GRM5: variants seen among roughly 807,000 people sequenced by gnomAD.
GRM5 encodes metabotropic glutamate receptor 5.
In GRM5, 19 loss-of-function variants were observed where a neutral mutation model predicts 83.1. The observed-to-expected ratio is 0.23, with a 90% CI of 0.16 to 0.34. GRM5 has a LOEUF of 0.34. GRM5 is among the 10% of genes least tolerant of loss of function. GRM5 has a pLI of 1.00. For missense variants in GRM5, 1,160 were observed against 1,588.3 expected (o/e 0.73, Z 4.58); for synonymous variants, 675 against 633.6 (o/e 1.07, Z -0.98).
At chr11:88,915,030 A>C (rs1945565651) in intron 2 of GRM5, among the ~76,000 whole-genome samples, 1 of 152,208 alleles carries the variant, frequency 6.6e-6, no homozygotes, top group African/African-American at 2.4e-5. Context: ...TTTTGTTAGT[A>C]ACTTTTACAA....
intron 1 of GRM5, among the ~76,000 whole-genome samples, chr11:89,057,346 T>TACAC (rs1941900078): frequency 7.7e-6 from 1 of 130,414 alleles, no homozygotes; most frequent in South Asian, 2.6e-4. Flanking sequence ...TTGTCATTAC[T>TACAC]ATCTCAATCA....
chr11:88,955,748 A>G (rs557083514), intron 2 of GRM5, among the ~76,000 whole-genome samples: 1 of 152,252 alleles, frequency 6.6e-6, no homozygotes, highest in African/African-American at 2.4e-5. Context: ...AACATTTTTC[A>G]GCATCTAGAT....
At chr11:89,031,577 T>C (rs189493014) in intron 2 of GRM5, among the ~76,000 whole-genome samples, 156 of 152,026 alleles carry the variant, frequency 1.0e-3, no homozygotes, top group African/African-American at 3.6e-3. Flanking sequence ...CTCCTTACAA[T>C]GCTCAGTAAA....
At chr11:89,004,206 G>T (rs1297489206) in intron 2 of GRM5, among the ~76,000 whole-genome samples, 1 of 152,246 alleles carries the variant, frequency 6.6e-6, no homozygotes, top group East Asian at 1.9e-4. Flanking sequence ...AAATGCAAGA[G>T]GCTGGACCAA....
chr11:88,733,699 G>A (rs1941853320), intron 3 of GRM5, among the ~76,000 whole-genome samples: 1 of 152,018 alleles, frequency 6.6e-6, no homozygotes, highest in African/African-American at 2.4e-5. Context: ...TTGACCCACA[G>A]GTCTAGACAT....
At chr11:88,590,004 A>G (rs1937611148) in intron 7 of GRM5, among the ~76,000 whole-genome samples, 1 of 152,164 alleles carries the variant, frequency 6.6e-6, no homozygotes, top group South Asian at 2.1e-4. Flanking sequence ...TATAGACTGG[A>G]GAACATGATG....
intron 5 of GRM5, among the ~76,000 whole-genome samples, chr11:88,602,891 T>C (rs1938038542): frequency 6.6e-6 from 1 of 152,212 alleles, no homozygotes; most frequent in Admixed American, 6.5e-5. Context: ...AGTTATAATT[T>C]TTTTTGTAAA....
At chr11:88,850,622 A>G (rs1019363996) in intron 2 of GRM5, among the ~76,000 whole-genome samples, 26 of 149,302 alleles carry the variant, frequency 1.7e-4, no homozygotes, top group African/African-American at 6.3e-4. Context: ...AATATTTTAT[A>G]AAGTATTATA....
chr11:88,974,276 T>G (rs1185193177), intron 2 of GRM5, among the ~76,000 whole-genome samples: 3 of 152,048 alleles, frequency 2.0e-5, no homozygotes, highest in African/African-American at 7.2e-5. Flanking sequence ...AGGTGGGCAT[T>G]TGCCTTCCCA....
intron 3 of GRM5, among the ~76,000 whole-genome samples, chr11:88,694,150 T>C (rs1940849141): frequency 6.6e-6 from 1 of 152,182 alleles, no homozygotes; most frequent in African/African-American, 2.4e-5. Flanking sequence ...TAATTGAGCA[T>C]GGGGATATGC....
At chr11:88,532,294 T>C (rs1320652224) in intron 8 of GRM5, among the ~76,000 whole-genome samples, 1 of 152,128 alleles carries the variant, frequency 6.6e-6, no homozygotes, top group African/African-American at 2.4e-5. Flanking sequence ...CAATTACTTT[T>C]TATTATTTAG....
chr11:89,064,878 CTCTCTCTCTCTGTG>C (rs1433460046), intron 1 of GRM5, among the ~76,000 whole-genome samples: 11 of 56,398 alleles, frequency 2.0e-4, no homozygotes, highest in Non-Finnish European at 1.9e-4. Context: ...CTCTCTCTCT[CTCTCTCTCTCTGTG>C]TGTGTGTGTG....
chr11:88,923,313 T>C (rs925038400), intron 2 of GRM5, among the ~76,000 whole-genome samples: 1 of 152,064 alleles, frequency 6.6e-6, no homozygotes, highest in Non-Finnish European at 1.5e-5. Flanking sequence ...TGTTCATCAG[T>C]AGATGAATGG....
At chr11:88,819,793 G>T (rs1283783323) in intron 3 of GRM5, among the ~76,000 whole-genome samples, 6 of 152,072 alleles carry the variant, frequency 3.9e-5, no homozygotes, top group Non-Finnish European at 5.9e-5. Context: ...GCAGTCCAAG[G>T]TTCAAGGACC....
intron 3 of GRM5, among the ~76,000 whole-genome samples, chr11:88,845,423 C>CTTTTTTTT (rs71046265): frequency 0.026 from 2,389 of 92,150 alleles, 488 homozygotes; most frequent in African/African-American, 0.04. Context: ...ATAAACATAA[C>CTTTTTTTT]TTTTTTTTTT....
At chr11:88,884,297 C>G (rs920058155) in intron 2 of GRM5, among the ~76,000 whole-genome samples, 1 of 152,114 alleles carries the variant, frequency 6.6e-6, no homozygotes, top group South Asian at 2.1e-4. Context: ...AATGACTGTT[C>G]TATTGGATTT....
At chr11:88,843,787 C>G (rs542072831) in intron 3 of GRM5, among the ~76,000 whole-genome samples, 1 of 152,292 alleles carries the variant, frequency 6.6e-6, no homozygotes, top group South Asian at 2.1e-4. Flanking sequence ...AGCCTTATTG[C>G]TGATGTGGAG....
intron 7 of GRM5, among the ~76,000 whole-genome samples, chr11:88,585,485 T>A (rs1031835058): frequency 6.6e-6 from 1 of 152,202 alleles, no homozygotes; most frequent in African/African-American, 2.4e-5. Flanking sequence ...TTACCATAGT[T>A]TACCAGGCTC....
chr11:88,987,178 G>A (rs1207068123), intron 2 of GRM5, among the ~76,000 whole-genome samples: 1 of 152,138 alleles, frequency 6.6e-6, no homozygotes, highest in Non-Finnish European at 1.5e-5. Flanking sequence ...GAAGCAGGGT[G>A]AGGCATTGCC....
Sources: allele counts gnomAD v4.1 joint callset (sites outside exome capture counted in the v4.1 genomes callset), GRCh38; gene constraint gnomAD v4.1.1; transcripts MANE v1.5; gene names NCBI Gene and HGNC (gene_info 2026-07-23, HGNC 2026-07-21).